Variants in PHF20L1 observed in about 807,000 individuals in gnomAD.
The protein encoded by PHF20L1 is PHD finger protein 20 like 1.
PHF20L1 carries 44 observed loss-of-function variants against 125.5 expected under a neutral mutation model. The observed-to-expected ratio is 0.35, with a 90% CI of 0.28 to 0.45. The LOEUF (loss-of-function observed/expected upper bound fraction) is 0.45. Ranked by LOEUF, PHF20L1 falls within the 20% of genes least tolerant of loss-of-function variation. The pLI is 1.00. For missense variants in PHF20L1, 1,012 were observed against 1,217.2 expected (o/e 0.83, Z 2.51); for synonymous variants, 380 against 403.1 (o/e 0.94, Z 0.69).
rs530177381 is a variant in PHF20L1 at position 132,847,985 on chromosome 8, A to G, written c.*2062A>G. Reference sequence around the variant, plus strand: ...TGGCTACATTCTAGACATTGAATTTATATCTTCTTTTTTTCAGATACGGAG... The same window carrying G: ...TGGCTACATTCTAGACATTGAATTTGTATCTTCTTTTTTTCAGATACGGAG... On this transcript the variant is annotated 3_prime_UTR_variant, in exon 21 of 21. Transcript: ENST00000395386. 2.0e-5 allele frequency: 3 copies of G among 152,152 alleles called. No individual in the cohort carries two copies. Among genetic ancestry groups the G allele is most frequent in the Admixed American group, 6.6e-5 (1 of 15,260 alleles). The allele number at this position is 152,152 out of a possible 1,614,324, so 9.4% of individuals were successfully genotyped here. A position where few individuals can be genotyped will look rare whatever the true frequency, so the allele number is the denominator to read the frequency against.
At chr8:132,804,592 T>C (rs1250957361) in intron 7 of PHF20L1, 23 bp from the exon 8 acceptor site, 2 of 1,577,212 alleles carry the variant, frequency 1.3e-6, no homozygotes, top group East Asian at 2.2e-5. Context: ...TAAACTCTCA[T>C]ATATGTGTTC....
intron 19 of PHF20L1, chr8:132,843,750 TG>T: frequency 1.0e-6 from 1 of 985,220 alleles, no homozygotes; most frequent in Non-Finnish European, 1.2e-6. Context: ...GATTTTATAC[TG>T]GTCTTTGGAA....
Position 132,826,411 on chromosome 8 carries a change from ACT to A in PHF20L1, c.1744+1042_1744+1043del, listed in dbSNP as rs1202446821. On this transcript the variant is annotated intron_variant, in intron 14 of 20. Coordinates refer to ENST00000395386, the MANE Select transcript of PHF20L1 (RefSeq NM_016018.5). ...AAGTGGCCTAAAAACCCGTGAGGAA[ACT>A]CACACGGTGCATCAAATATGAGAGT... The A allele has an allele frequency of 2.6e-5, 4 of 152,052 alleles. No homozygotes were observed. The East Asian group carries it at 7.8e-4, about 30-fold the overall frequency. The allele number at this position is 152,052 out of a possible 1,614,324, so 9.4% of individuals were successfully genotyped here.
chr8:132,827,162 C>G (rs918532170), intron 14 of PHF20L1, among the ~76,000 whole-genome samples: 5 of 151,810 alleles, frequency 3.3e-5, no homozygotes, highest in Non-Finnish European at 7.4e-5. Context: ...CCTGCCCACC[C>G]CCCCATCACC....
chr8:132,784,782 A>G (rs1830825063), intron 2 of PHF20L1, among the ~76,000 whole-genome samples: 1 of 152,174 alleles, frequency 6.6e-6, no homozygotes, highest in African/African-American at 2.4e-5. Context: ...CGCCTCAGTT[A>G]ACTAAATGGG....
intron 15 of PHF20L1, among the ~76,000 whole-genome samples, chr8:132,835,325 G>A (rs370675271): frequency 1.3e-5 from 2 of 152,240 alleles, no homozygotes; most frequent in African/African-American, 4.8e-5. Flanking sequence ...AGGTAGGAAG[G>A]TGCTCTGCTG....
intron 18 of PHF20L1, chr8:132,841,592 AGCT>A (rs769433152): frequency 1.2e-4 from 19 of 152,120 alleles, no homozygotes; most frequent in Non-Finnish European, 2.5e-4. Context: ...CTTTCACTTC[AGCT>A]CTGATGATTG....
intron 2 of PHF20L1, among the ~76,000 whole-genome samples, chr8:132,784,693 G>A (rs1830814299): frequency 6.6e-6 from 1 of 152,086 alleles, no homozygotes; most frequent in African/African-American, 2.4e-5. Context: ...AACTATATTG[G>A]GCATGAAACC....
chr8:132,797,171 A>C (rs1563796899), intron 4 of PHF20L1, among the ~76,000 whole-genome samples: 3 of 152,002 alleles, frequency 2.0e-5, no homozygotes, highest in South Asian at 4.1e-4. Flanking sequence ...TTGTTTTCTG[A>C]AAGGTATTAA....
At chr8:132,791,415 G>A (rs565438913) in intron 2 of PHF20L1, among the ~76,000 whole-genome samples, 16 of 151,986 alleles carry the variant, frequency 1.1e-4, no homozygotes, top group Admixed American at 8.5e-4. Flanking sequence ...CACCATGGCC[G>A]GCAAATTTTG....
rs558843263 is a variant in PHF20L1, at chr8:132,848,546, A to C, written c.*2623A>C. 1.5e-4 allele frequency: 23 copies of C among 152,698 alleles called. No individual in the cohort carries two copies. Among genetic ancestry groups the C allele is most frequent in the Non-Finnish European group, 2.5e-4 (17 of 67,972 alleles). 9.5% of individuals were successfully genotyped at this position (152,698 alleles called of 1,614,324 possible). On this transcript the variant is annotated 3_prime_UTR_variant, in exon 21 of 21. Transcript: ENST00000395386. Reference sequence around the variant, plus strand: ...TGCCACCAGGCAGAACAGAATGAGCATTGGTAGAGAAGGCTCCCTCTTGGT... The same window carrying C: ...TGCCACCAGGCAGAACAGAATGAGCCTTGGTAGAGAAGGCTCCCTCTTGGT...
At chr8:132,824,181 T>C (rs1835904503) in intron 13 of PHF20L1, 121 bp downstream of exon 13, 1 of 605,378 alleles carries the variant, frequency 1.7e-6, no homozygotes, top group Admixed American at 3.3e-5. Context: ...TCATCTGTTT[T>C]AGTTCCTACT....
intron 1 of PHF20L1, among the ~76,000 whole-genome samples, chr8:132,776,981 T>A (rs780564840): frequency 2.0e-4 from 31 of 152,238 alleles, no homozygotes; most frequent in Non-Finnish European, 4.1e-4. Context: ...TATAGTACTT[T>A]GCATGTGAAT....
At position 132,794,722 on chromosome 8, in the gene PHF20L1, G is replaced by T; in HGVS notation, c.256-11G>T. On this transcript the variant is annotated splice_polypyrimidine_tract_variant and intron_variant, in intron 3 of 20. Coordinates refer to ENST00000395386, the MANE Select transcript of PHF20L1 (RefSeq NM_016018.5). ...ATACATGGAATTGATCTTAAAAGTTGTTTAAAATAGGATTTTAAAGCTGGA... is the reference window on the plus strand; with the variant it reads ...ATACATGGAATTGATCTTAAAAGTTTTTTAAAATAGGATTTTAAAGCTGGA... 1.2e-6 allele frequency: 2 copies of T among 1,602,294 alleles called. No homozygotes were observed. Among genetic ancestry groups the T allele is most frequent in the Admixed American group, 1.7e-5 (1 of 59,586 alleles).
chr8:132,775,748 G>A, intron 1 of PHF20L1, 103 bp downstream of exon 1: 2 of 261,924 alleles, frequency 7.6e-6, no homozygotes, highest in Admixed American at 5.8e-5. Context: ...CTCCCCTCCC[G>A]CCTCCCTCCC....
intron 1 of PHF20L1, among the ~76,000 whole-genome samples, chr8:132,777,518 T>G (rs1829955086): frequency 6.6e-6 from 1 of 152,240 alleles, no homozygotes; most frequent in African/African-American, 2.4e-5. Context: ...TTTTTAGCTA[T>G]TAACAATTTT....
In PHF20L1 at chr8:132,847,470, C is replaced by A. The variant is rs1838501861; in HGVS notation, c.*1547C>A. The A allele has an allele frequency of 6.6e-6, 1 of 152,638 alleles. No individual in the cohort carries two copies. Among genetic ancestry groups the A allele is most frequent in the East Asian group, 1.9e-4 (1 of 5,184 alleles). The allele number at this position is 152,638 out of a possible 1,614,324, so 9.5% of individuals were successfully genotyped here. A position where few individuals can be genotyped will look rare whatever the true frequency, so the allele number is the denominator to read the frequency against. On this transcript the variant is annotated 3_prime_UTR_variant, in exon 21 of 21. Transcript: ENST00000395386. ...TGATAGACAGTAAACTTGAATTTAT[C>A]TTTGATAAGAATACATGCCACTGTA...
At chr8:132,801,605 A>G (rs887658180) in intron 6 of PHF20L1, among the ~76,000 whole-genome samples, 1 of 151,772 alleles carries the variant, frequency 6.6e-6, no homozygotes, top group African/African-American at 2.4e-5. Context: ...AGTGTTTGAT[A>G]GCAGAGTAGA....
chr8:132,839,799 A>G (rs544882624), intron 18 of PHF20L1, among the ~76,000 whole-genome samples: 3 of 152,248 alleles, frequency 2.0e-5, no homozygotes, highest in South Asian at 4.1e-4. Flanking sequence ...TTAAAGGTAG[A>G]TACGGCATCT....
Sources: allele counts gnomAD v4.1 joint callset (sites outside exome capture counted in the v4.1 genomes callset), GRCh38; gene constraint gnomAD v4.1.1; transcripts MANE v1.5; gene names NCBI Gene and HGNC (gene_info 2026-07-23, HGNC 2026-07-21).